Variants in CNTN5 observed in about 807,000 individuals in gnomAD.
CNTN5 encodes contactin 5.
A neutral mutation model predicts 129.1 loss-of-function variants in CNTN5; 77 were observed. The ratio of observed to expected loss-of-function variants is 0.60; its 90% confidence interval spans 0.50 to 0.72. CNTN5 has a LOEUF of 0.72. Ranked by LOEUF, CNTN5 falls within the 30% of genes least tolerant of loss-of-function variation. The probability of loss-of-function intolerance (pLI) is 0.00; values close to 1 mark genes in which losing one functional copy is unlikely to be tolerated. For missense variants in CNTN5, 1,478 were observed against 1,328.8 expected (o/e 1.11, Z -1.75); for synonymous variants, 509 against 465.6 (o/e 1.09, Z -1.20).
chr11:99,195,187 C>T (rs1858838980), intron 1 of CNTN5, among the ~76,000 whole-genome samples: 1 of 151,792 alleles, frequency 6.6e-6, no homozygotes, highest in African/African-American at 2.4e-5. Context: ...TTAACTTATT[C>T]CTTATATTTT....
chr11:99,382,402 T>A (rs1412347246), intron 2 of CNTN5, among the ~76,000 whole-genome samples: 1 of 152,118 alleles, frequency 6.6e-6, no homozygotes, highest in Non-Finnish European at 1.5e-5. Flanking sequence ...GAGAGAAAAG[T>A]GAAAATATCA....
In CNTN5 at chr11:99,687,346, G is replaced by A. The variant is rs149040245; in HGVS notation, c.55+131077G>A. Among the ~76,000 whole-genome samples the A allele has an allele frequency of 1.5e-3, 234 of 152,138 alleles. 1 individual carries two copies. Among genetic ancestry groups the A allele is most frequent in the African/African-American group, 5.2e-3 (215 of 41,520 alleles). On this transcript the variant is annotated intron_variant, in intron 3 of 24. Coordinates refer to ENST00000524871, the MANE Select transcript of CNTN5 (RefSeq NM_014361.4). ...ACTGTAATTTACTAAGTAATTAGAT[G>A]TCTGACAATACAATATTCTGGGTAA...
At chr11:99,966,928 G>T (rs1951110111) in intron 8 of CNTN5, among the ~76,000 whole-genome samples, 1 of 152,130 alleles carries the variant, frequency 6.6e-6, no homozygotes, top group Non-Finnish European at 1.5e-5. Context: ...TTGTGGACTA[G>T]TGAGAAAGAT....
At chr11:100,336,552 CTAATTT>C (rs1952042633) in intron 21 of CNTN5, among the ~76,000 whole-genome samples, 1 of 152,136 alleles carries the variant, frequency 6.6e-6, no homozygotes, top group African/African-American at 2.4e-5. Context: ...TGTCTGTGCT[CTAATTT>C]TAATTATTGA....
chr11:99,348,254 G>A (rs936927898), intron 2 of CNTN5, among the ~76,000 whole-genome samples: 1 of 152,080 alleles, frequency 6.6e-6, no homozygotes, highest in African/African-American at 2.4e-5. Flanking sequence ...CAGGAGAATG[G>A]CGTGAACCCA....
At chr11:99,612,705 C>T (rs1041825675) in intron 3 of CNTN5, among the ~76,000 whole-genome samples, 2 of 152,200 alleles carry the variant, frequency 1.3e-5, no homozygotes, top group Non-Finnish European at 2.9e-5. Flanking sequence ...TTTTTAACTT[C>T]ACTTTATGCA....
chr11:99,934,192 G>T (rs1334971951), intron 7 of CNTN5, among the ~76,000 whole-genome samples: 1 of 152,274 alleles, frequency 6.6e-6, no homozygotes, highest in Admixed American at 6.5e-5. Context: ...TCTGTCTGAA[G>T]AAATCAAATA....
chr11:99,872,990 G>C (rs1437703051), intron 6 of CNTN5, among the ~76,000 whole-genome samples: 1 of 152,108 alleles, frequency 6.6e-6, no homozygotes, highest in Non-Finnish European at 1.5e-5. Context: ...GTGTCCACTT[G>C]ATGTTTATTT....
intron 9 of CNTN5, among the ~76,000 whole-genome samples, chr11:100,024,609 C>T (rs2161052): frequency 0.35 from 53,301 of 151,900 alleles, 9,541 homozygotes; most frequent in East Asian, 0.47. Context: ...GTGATATGGA[C>T]GATGAAGTCC....
chr11:99,911,754 A>C lies in CNTN5; in HGVS notation c.578-4300A>C, dbSNP rs539292786. Among the ~76,000 whole-genome samples the C allele has an allele frequency of 5.3e-5, 8 of 151,224 alleles. No homozygotes were observed. The South Asian group carries it at 8.4e-4, about 16-fold the overall frequency. ...TCAGGAGGTTAAAAAAAAAAAAAAG[A>C]AAAATAACTTTCTGAGTAGTTTGCC... On this transcript the variant is annotated intron_variant, in intron 6 of 24. Coordinates refer to ENST00000524871, the MANE Select transcript of CNTN5 (RefSeq NM_014361.4).
chr11:100,110,482 A>G (rs1945617531), intron 13 of CNTN5, among the ~76,000 whole-genome samples: 1 of 152,158 alleles, frequency 6.6e-6, no homozygotes. Flanking sequence ...AAAACAAGAT[A>G]CATTTCAGTT....
At chr11:99,404,561 C>G (rs1047675113) in intron 2 of CNTN5, among the ~76,000 whole-genome samples, 4 of 152,026 alleles carry the variant, frequency 2.6e-5, no homozygotes, top group African/African-American at 7.2e-5. Flanking sequence ...CTTTCAAACA[C>G]TATCTTATAA....
intron 2 of CNTN5, among the ~76,000 whole-genome samples, chr11:99,366,197 GC>G (rs1327177298): frequency 1.3e-5 from 2 of 152,082 alleles, no homozygotes; most frequent in Non-Finnish European, 2.9e-5. Context: ...ATAATGCCTT[GC>G]CTGGAAAATC....
chr11:99,256,955 A>G (rs1234814894), intron 1 of CNTN5, among the ~76,000 whole-genome samples: 1 of 152,152 alleles, frequency 6.6e-6, no homozygotes, highest in Non-Finnish European at 1.5e-5. Context: ...AAAATAAGGT[A>G]ATGACATTAT....
chr11:99,260,376 C>A (rs576251866), intron 1 of CNTN5, among the ~76,000 whole-genome samples: 7 of 151,774 alleles, frequency 4.6e-5, no homozygotes, highest in African/African-American at 1.7e-4. Context: ...AGATTTAGAA[C>A]TTTCTTTAAG....
chr11:99,466,718 T>C (rs570930911), intron 2 of CNTN5, among the ~76,000 whole-genome samples: 229 of 152,286 alleles, frequency 1.5e-3, no homozygotes, highest in Admixed American at 3.2e-3. Flanking sequence ...ATTAGGAGAC[T>C]TAAGCTCCCC....
chr11:100,037,655 T>C (rs1277394535), intron 9 of CNTN5, among the ~76,000 whole-genome samples: 2 of 152,220 alleles, frequency 1.3e-5, no homozygotes, highest in African/African-American at 4.8e-5. Flanking sequence ...CTCCTGTTGT[T>C]GGTCTATTCA....
intron 3 of CNTN5, among the ~76,000 whole-genome samples, chr11:99,568,659 C>T (rs1242416471): frequency 1.3e-5 from 2 of 152,090 alleles, no homozygotes; most frequent in Non-Finnish European, 2.9e-5. Flanking sequence ...TTCTTGATCT[C>T]CTTTATATTA....
At chr11:99,818,226 T>C (rs1371112053) in intron 3 of CNTN5, among the ~76,000 whole-genome samples, 1 of 152,080 alleles carries the variant, frequency 6.6e-6, no homozygotes, top group Admixed American at 6.6e-5. Flanking sequence ...GCAATGATTA[T>C]TAAGTTTAAA....
Sources: allele counts gnomAD v4.1 joint callset (sites outside exome capture counted in the v4.1 genomes callset), GRCh38; gene constraint gnomAD v4.1.1; transcripts MANE v1.5; gene names NCBI Gene and HGNC (gene_info 2026-07-23, HGNC 2026-07-21).